Variants in DAPK1 observed in about 807,000 individuals in gnomAD.
DAPK1 encodes death-associated protein kinase 1.
DAPK1 carries 56 observed loss-of-function variants against 144.9 expected under a neutral mutation model. The ratio of observed to expected loss-of-function variants is 0.39; its 90% CI spans 0.31 to 0.48. The LOEUF (loss-of-function observed/expected upper bound fraction) is 0.48, where lower values mean the gene tolerates loss of function less well. DAPK1 is among the 20% of genes least tolerant of loss of function. The pLI is 0.95. For missense variants in DAPK1, 1,454 were observed against 1,875.4 expected (o/e 0.78, Z 4.15); for synonymous variants, 690 against 749.0 (o/e 0.92, Z 1.29).
chr9:87,520,598 C>T (rs1489041083), intron 2 of DAPK1, among the ~76,000 whole-genome samples: 4 of 152,130 alleles, frequency 2.6e-5, no homozygotes, highest in Admixed American at 6.6e-5. Flanking sequence ...ATTAGGATAT[C>T]GGTAACAATT....
intron 2 of DAPK1, chr9:87,553,526 C>T (rs1289383921): frequency 7.1e-6 from 1 of 141,814 alleles, no homozygotes; most frequent in East Asian, 2.0e-4. Flanking sequence ...GATGGAGTCT[C>T]GGTCTGTTGC....
In DAPK1 at chr9:87,615,818, A is replaced by C. The variant is rs36208405; in HGVS notation, c.284+10643A>C. ...AAGGAACGCTGTGCCCCCTCTGTCC[A>C]CATATAGGTCACAGGAGCCGGTAGA... On this transcript the variant is annotated intron_variant, in intron 3 of 25. Transcript: ENST00000408954. Among the ~76,000 whole-genome samples the C allele has an allele frequency of 5.3e-5, 8 of 152,336 alleles. No individual in the cohort carries two copies. In the East Asian group the frequency reaches 1.4e-3, roughly 26 times the overall value.
At chr9:87,513,551 G>A (rs985620718) in intron 2 of DAPK1, among the ~76,000 whole-genome samples, 2 of 152,204 alleles carry the variant, frequency 1.3e-5, no homozygotes, top group African/African-American at 4.8e-5. Context: ...AGGAAACTAA[G>A]ATTTGCTAGG....
rs554268642 is a variant in DAPK1, at chr9:87,565,239, G to C, written c.63-39715G>C. On this transcript the variant is annotated intron_variant, in intron 2 of 25. Coordinates refer to ENST00000408954, the MANE Select transcript of DAPK1 (RefSeq NM_004938.4). Reference sequence around the variant, plus strand: ...GTTGAGAGCATGAAAAACGAGTGTCGAGGCTGTAGAGAAAGAAAAACGTGA... The same window carrying C: ...GTTGAGAGCATGAAAAACGAGTGTCCAGGCTGTAGAGAAAGAAAAACGTGA... Among the ~76,000 whole-genome samples the C allele has an allele frequency of 2.1e-5, 3 of 142,864 alleles. No individual in the cohort carries two copies. In the East Asian group the frequency reaches 5.8e-4, roughly 28 times the overall value. 93.7% of individuals were successfully genotyped at this position (142,864 alleles called of 152,430 possible).
At chr9:87,636,591 G>C (rs1192591679) in intron 3 of DAPK1, among the ~76,000 whole-genome samples, 1 of 152,142 alleles carries the variant, frequency 6.6e-6, no homozygotes, top group African/African-American at 2.4e-5. Context: ...GGAAAACACT[G>C]ACCTGGAGGG....
chr9:87,619,702 T>C (rs771587573), intron 3 of DAPK1, among the ~76,000 whole-genome samples: 1 of 152,114 alleles, frequency 6.6e-6, no homozygotes, highest in South Asian at 2.1e-4. Context: ...ACGAGCTCAA[T>C]AGAAGGACAG....
chr9:87,672,411 C>T (rs1010400593), intron 19 of DAPK1, among the ~76,000 whole-genome samples: 12 of 152,160 alleles, frequency 7.9e-5, no homozygotes, highest in Admixed American at 1.3e-4. Flanking sequence ...CTGGAAATAC[C>T]TGTGATCTGC....
At position 87,706,501 on chromosome 9, in the gene DAPK1, A is replaced by G. The variant is rs751215710; in HGVS notation, c.3430A>G (p.Ile1144Val). 4 of 1,614,188 alleles carry G rather than the reference A, an allele frequency of 2.5e-6. No individual in the cohort carries two copies. Among genetic ancestry groups the G allele is most frequent in the Non-Finnish European group, 2.5e-6 (3 of 1,180,012 alleles). Residue 1144 changes from isoleucine (I) to valine (V), a missense_variant, in exon 26 of 26, where the codon ATC becomes GTC. By Grantham distance (29) the Ile-to-Val change is conservative (BLOSUM62 3). Transcript: ENST00000408954. The surrounding 1 kb of genome is among the most constrained non-coding windows in gnomAD (Gnocchi z 9.0). ...VEHLTPFPCG[I>V]FHKVQVNLCR... Reference sequence around the variant, plus strand: ...ACACCTCACCCCCTTCCCATGTGGCATCTTTCACAAGGTCCAGGTGAACCT... The same window carrying G: ...ACACCTCACCCCCTTCCCATGTGGCGTCTTTCACAAGGTCCAGGTGAACCT...
chr9:87,530,620 A>G (rs1825666345), intron 2 of DAPK1, among the ~76,000 whole-genome samples: 1 of 152,166 alleles, frequency 6.6e-6, no homozygotes, highest in South Asian at 2.1e-4. Context: ...TTTCTGTTTG[A>G]AGAATATGAA....
At position 87,706,381 on chromosome 9, in the gene DAPK1, C is replaced by G; in HGVS notation, c.3310C>G (p.Pro1104Ala). 6.2e-7 allele frequency: 1 copy of G among 1,610,944 alleles called. No homozygotes were observed. The highest frequency in any genetic ancestry group is 1.1e-5 in the South Asian group (1 of 90,480). Residue 1104 changes from proline (P) to alanine (A), a missense_variant, in exon 26 of 26, where the codon CCA becomes GCA. Physicochemically the swap from Pro to Ala is conservative, Grantham distance 27. Transcript: ENST00000408954. This position sits in a 1 kb window ranked among gnomAD's most constrained non-coding sequence, Gnocchi z 9.0. ...GAGCAGCGGGACCATGGTGGACGTC[C>G]CAGCCCTGATCAAGACAGACAACCT... ...DLSSGTMVDVPALIKTDNLHR... is the reference protein window; with the variant it reads ...DLSSGTMVDVAALIKTDNLHR...
At position 87,698,661 on chromosome 9, in the gene DAPK1, G is replaced by T. The variant is rs368259645; in HGVS notation, c.2617G>T (p.Gly873Cys). Residue 873 changes from glycine to cysteine, a missense_variant, in exon 23 of 26, where the codon GGT (glycine) becomes TGT (cysteine). Gly to Cys is a radical substitution (Grantham distance 159, BLOSUM62 -3). Coordinates refer to ENST00000408954, the MANE Select transcript of DAPK1 (RefSeq NM_004938.4). ...LVPVEEPIAF[G>C]GKLKNPLQVV... ...AGTTCCCTCTCTGCCCCCAGCCTTC[G>T]GTGGCAAGCTGAAGAACCCACTCCA... is the stretch of plus-strand genomic sequence containing the variant. 4 of 1,604,934 alleles carry T rather than the reference G, an allele frequency of 2.5e-6. No individual in the cohort carries two copies. Among genetic ancestry groups the T allele is most frequent in the African/African-American group, 1.3e-5 (1 of 74,872 alleles).
chr9:87,573,313 A>G (rs1827430243), intron 2 of DAPK1, among the ~76,000 whole-genome samples: 1 of 152,244 alleles, frequency 6.6e-6, no homozygotes, highest in Non-Finnish European at 1.5e-5. Context: ...GTCTTCCTCC[A>G]GGCAAGCCCA....
At chr9:87,634,708 G>A (rs892483592) in intron 3 of DAPK1, among the ~76,000 whole-genome samples, 5 of 152,172 alleles carry the variant, frequency 3.3e-5, no homozygotes, top group African/African-American at 9.7e-5. Flanking sequence ...GTGGCTGCTC[G>A]GCAGTGCCGT....
At chr9:87,506,252 A>T (rs1824585703) in intron 2 of DAPK1, among the ~76,000 whole-genome samples, 1 of 152,250 alleles carries the variant, frequency 6.6e-6, no homozygotes, top group Admixed American at 6.5e-5. Flanking sequence ...TTATTTCAGC[A>T]TCTGCATGGA....
chr9:87,576,571 T>A (rs1004218683), intron 2 of DAPK1, among the ~76,000 whole-genome samples: 1 of 151,324 alleles, frequency 6.6e-6, no homozygotes, highest in African/African-American at 2.4e-5. Context: ...TGTTTTGTTT[T>A]GTTTGAGACG....
chr9:87,685,083 T>C (rs1824787920), intron 20 of DAPK1, among the ~76,000 whole-genome samples: 1 of 152,202 alleles, frequency 6.6e-6, no homozygotes, highest in South Asian at 2.1e-4. Flanking sequence ...GGATTAACAA[T>C]ATGCAGAGAA....
chr9:87,585,264 C>T (rs1242501345), intron 2 of DAPK1, among the ~76,000 whole-genome samples: 1 of 152,164 alleles, frequency 6.6e-6, no homozygotes, highest in African/African-American at 2.4e-5. Context: ...ATTTCCCAGA[C>T]CACAGAAATC....
intron 23 of DAPK1, 115 bp from the exon 24 acceptor site, chr9:87,700,002 A>G (rs1825404666): frequency 4.9e-6 from 4 of 815,080 alleles, no homozygotes; most frequent in Admixed American, 4.3e-5. Context: ...TTGCAAGGAC[A>G]CCAGAACTTT....
intron 2 of DAPK1, among the ~76,000 whole-genome samples, chr9:87,518,676 A>G (rs999521339): frequency 6.6e-5 from 10 of 152,132 alleles, no homozygotes; most frequent in African/African-American, 2.2e-4. Context: ...ACTTTTCTCT[A>G]GCAGTGTCAC....
Sources: gnomAD v4.1 joint callset for allele counts (sites outside exome capture counted in the v4.1 genomes callset) on GRCh38, gnomAD v4.1.1 for gene constraint, Gnocchi (gnomAD v3.1) non-coding constraint, MANE v1.5 for transcripts, NCBI Gene and HGNC (gene_info 2026-07-23, HGNC 2026-07-21) for gene names.